Variants in NANP observed in about 807,000 individuals in gnomAD.
NANP encodes the protein N-acylneuraminate-9-phosphatase.
In NANP, 15 loss-of-function variants were observed where a neutral mutation model predicts 16.9. The ratio of observed to expected loss-of-function variants is 0.89; its 90% CI spans 0.59 to 1.37. NANP has a LOEUF of 1.37. Among genes scored for constraint, NANP ranks in the 40% most tolerant of loss-of-function variants. NANP has a pLI of 0.00. For synonymous variants in NANP, 135 were observed against 112.6 expected (o/e 1.20, Z -1.26); for missense variants, 290 against 303.5 (o/e 0.96, Z 0.33).
Position 25,616,570 on chromosome 20 carries a change from G to T in NANP, c.102C>A (p.Leu34=), listed in dbSNP as rs1333467770. 6.3e-7 allele frequency: 1 copy of T among 1,586,548 alleles called. No homozygotes were observed. The highest frequency in any genetic ancestry group is 2.2e-5 in the East Asian group (1 of 44,628). ...SRRGMLEVIK[L]LQSKYHYKEE... Reference sequence around the variant, plus strand: ...CTTTATAATGGTATTTTGATTGTAAGAGTTTTATCACCTAAATAATGGAAA... The same window carrying T: ...CTTTATAATGGTATTTTGATTGTAATAGTTTTATCACCTAAATAATGGAAA... The change falls in exon 2 of 2, where the codon CTC becomes CTA. Residue 34 remains leucine, a synonymous_variant. Transcript: ENST00000304788.
chr20:25,613,552 A>G lies in NANP; in HGVS notation c.*2373T>C, dbSNP rs942629376. 5 of 346,400 alleles carry G rather than the reference A, an allele frequency of 1.4e-5. No homozygotes were observed. The highest frequency in any genetic ancestry group is 1.5e-4 in the South Asian group (1 of 6,572). The allele number at this position is 346,400 out of a possible 1,614,324, so 21.5% of individuals were successfully genotyped here. On this transcript the variant is annotated 3_prime_UTR_variant, in exon 2 of 2. Transcript: ENST00000304788. ...AAAACATCACCCATAATTTTAAGGA[A>G]TATTATTCTAAAACAAAAAATATTA...
In NANP at chr20:25,615,784, A is replaced by G; in HGVS notation, c.*141T>C. ...CAACTTAGAAGCAATAGGGTTGGGAAGACCTTCAAAATATTGGCCATTAAA... is the reference window on the plus strand; with the variant it reads ...CAACTTAGAAGCAATAGGGTTGGGAGGACCTTCAAAATATTGGCCATTAAA... On this transcript the variant is annotated 3_prime_UTR_variant, in exon 2 of 2. Coordinates refer to ENST00000304788, the MANE Select transcript of NANP (RefSeq NM_152667.3). 1 of 802,814 alleles carries G rather than the reference A, an allele frequency of 1.2e-6. No individual in the cohort carries two copies. Among genetic ancestry groups the G allele is most frequent in the East Asian group, 2.7e-5 (1 of 37,302 alleles). 49.7% of individuals were successfully genotyped at this position (802,814 alleles called of 1,614,324 possible).
intron 1 of NANP, among the ~76,000 whole-genome samples, chr20:25,620,644 C>T (rs1309136350): frequency 6.6e-6 from 1 of 152,196 alleles, no homozygotes; most frequent in Non-Finnish European, 1.5e-5. Flanking sequence ...CCTGACAGCA[C>T]TAACTTACGC....
At chr20:25,618,537 T>G (rs2065352649) in intron 1 of NANP, among the ~76,000 whole-genome samples, 1 of 152,048 alleles carries the variant, frequency 6.6e-6, no homozygotes, top group South Asian at 2.1e-4. Flanking sequence ...TAAATCCCCT[T>G]GGCACACACT....
intron 1 of NANP, among the ~76,000 whole-genome samples, chr20:25,619,835 C>T (rs944223909): frequency 8.5e-5 from 13 of 152,192 alleles, no homozygotes; most frequent in African/African-American, 2.9e-4. Context: ...CAATTTCCTA[C>T]TGGCTCCCAG....
chr20:25,616,456 C>T lies in NANP; in HGVS notation c.216G>A (p.Arg72=), dbSNP rs139802260. ...HPYNTCITDL[R]TSHWEEAIQE... ...GGATTGCTTCTTCCCAATGTGAAGT[C>T]CTTAAATCAGTAATGCATGTATTGT... is the stretch of plus-strand genomic sequence containing the variant. Residue 72 remains arginine, a synonymous_variant, in exon 2 of 2, where the codon AGG becomes AGA. Coordinates refer to ENST00000304788, the MANE Select transcript of NANP (RefSeq NM_152667.3). 1.8e-4 allele frequency: 284 copies of T among 1,614,120 alleles called. No homozygotes were observed. Among genetic ancestry groups the T allele is most frequent in the Non-Finnish European group, 2.2e-4 (256 of 1,180,022 alleles).
intron 1 of NANP, among the ~76,000 whole-genome samples, chr20:25,618,734 A>G (rs1219222363): frequency 6.6e-6 from 1 of 152,056 alleles, no homozygotes; most frequent in East Asian, 1.9e-4. Flanking sequence ...CCCCTTGGGG[A>G]GCAAAACTGA....
In NANP at chr20:25,619,139, T is replaced by C. The variant is rs968502797; in HGVS notation, c.91-2558A>G. Among the ~76,000 whole-genome samples the C allele has an allele frequency of 6.7e-5, 10 of 148,634 alleles. No homozygotes were observed. In the East Asian group the frequency reaches 9.8e-4, roughly 15 times the overall value. Reference sequence around the variant, plus strand: ...AAAGGGTCTTTTTTTTTTTTTTTTTTCCCCAAACAGGATCTTGCTCTGTTA... The same window carrying C: ...AAAGGGTCTTTTTTTTTTTTTTTTTCCCCCAAACAGGATCTTGCTCTGTTA... On this transcript the variant is annotated intron_variant, in intron 1 of 1. Coordinates refer to ENST00000304788, the MANE Select transcript of NANP (RefSeq NM_152667.3).
Position 25,623,994 on chromosome 20 carries a change from CGCATGCGCAAGGCGGACT to C in NANP, c.-64_-47del, listed in dbSNP as rs762543449. Reference sequence around the variant, plus strand: ...ACCGTAGCCTTGCCACCGCCGCCTGCGCATGCGCAAGGCGGACTGCCCAGAGAGACGTGGGAGGAGCCG... The same window carrying C: ...ACCGTAGCCTTGCCACCGCCGCCTGCGCCCAGAGAGACGTGGGAGGAGCCG... On this transcript the variant is annotated 5_prime_UTR_variant, in exon 1 of 2. An upstream start codon of the reference 5' UTR is lost. Transcript: ENST00000304788. The C allele has an allele frequency of 6.3e-7, 1 of 1,588,372 alleles. No homozygotes were observed. The highest frequency in any genetic ancestry group is 1.3e-5 in the African/African-American group (1 of 74,314).
At chr20:25,623,506 G>A (rs1195741332) in intron 1 of NANP, among the ~76,000 whole-genome samples, 1 of 152,338 alleles carries the variant, frequency 6.6e-6, no homozygotes, top group East Asian at 1.9e-4. Flanking sequence ...TCTGACCGGG[G>A]GCGGGACCAG....
rs1341149664 is a variant in NANP at position 25,616,442 on chromosome 20, T to A, written c.230A>T (p.Glu77Val). The change falls in exon 2 of 2, where the codon GAA becomes GTA. Residue 77 changes from glutamate to valine, a missense_variant. Transcript: ENST00000304788. ...ACCTTTTGTTTCCTGGATTGCTTCT[T>A]CCCAATGTGAAGTCCTTAAATCAGT... ...CITDLRTSHWEEAIQETKGGA... is the reference protein window; with the variant it reads ...CITDLRTSHWVEAIQETKGGA... 11 of 1,614,058 alleles carry A rather than the reference T, an allele frequency of 6.8e-6. No homozygotes were observed. The highest frequency in any genetic ancestry group is 7.6e-6 in the Non-Finnish European group (9 of 1,180,050).
rs762571963 is a variant in NANP, at chr20:25,615,917, T to C, written c.*8A>G. ...TCTAACATTCATAATCATGCCCTTTTATGTGCTTTAAGTGGACATACTGAC... is the reference window on the plus strand; with the variant it reads ...TCTAACATTCATAATCATGCCCTTTCATGTGCTTTAAGTGGACATACTGAC... On this transcript the variant is annotated 3_prime_UTR_variant, in exon 2 of 2. Coordinates refer to ENST00000304788, the MANE Select transcript of NANP (RefSeq NM_152667.3). 6.3e-7 allele frequency: 1 copy of C among 1,595,332 alleles called. No individual in the cohort carries two copies. Among genetic ancestry groups the C allele is most frequent in the Non-Finnish European group, 8.5e-7 (1 of 1,170,364 alleles).
Position 25,614,547 on chromosome 20 carries a change from AT to A in NANP, c.*1377del, listed in dbSNP as rs1177347017. The stretch of plus-strand genomic sequence containing the variant: ...TTATTAAGCTCCTGGTAAACCCTGA[AT>A]TAGATATAGAAATTTGCAAAACAAT... On this transcript the variant is annotated 3_prime_UTR_variant, in exon 2 of 2. Coordinates refer to ENST00000304788, the MANE Select transcript of NANP (RefSeq NM_152667.3). 6.6e-6 allele frequency: 1 copy of A among 152,180 alleles called. No individual in the cohort carries two copies. Among genetic ancestry groups the A allele is most frequent in the Non-Finnish European group, 1.5e-5 (1 of 68,040 alleles). 9.4% of individuals were successfully genotyped at this position (152,180 alleles called of 1,614,324 possible).
At chr20:25,622,951 C>A (rs1170258659) in intron 1 of NANP, among the ~76,000 whole-genome samples, 1 of 152,102 alleles carries the variant, frequency 6.6e-6, no homozygotes, top group Non-Finnish European at 1.5e-5. Context: ...AACTATAGGG[C>A]AAACATGAAT....
At chr20:25,621,554 T>C (rs1014871095) in intron 1 of NANP, among the ~76,000 whole-genome samples, 6 of 152,242 alleles carry the variant, frequency 3.9e-5, no homozygotes, top group African/African-American at 1.4e-4. Context: ...CCTCCATTCA[T>C]AAATTATTAT....
Position 25,613,045 on chromosome 20 carries a change from C to T in NANP, c.*2880G>A, listed in dbSNP as rs1007097902. 13 of 152,034 alleles carry T rather than the reference C, an allele frequency of 8.6e-5. No individual in the cohort carries two copies. The highest frequency in any genetic ancestry group is 1.9e-4 in the East Asian group (1 of 5,200). 9.4% of individuals were successfully genotyped at this position (152,034 alleles called of 1,614,324 possible). ...AAGAATGGAATGAAAAATATCATCA[C>T]ACGTAACAAGAATGTTTTATGAAAA... On this transcript the variant is annotated 3_prime_UTR_variant, in exon 2 of 2. Transcript: ENST00000304788.
In NANP at chr20:25,616,382, T is replaced by A; in HGVS notation, c.290A>T (p.Tyr97Phe). 1 of 1,613,498 alleles carries A rather than the reference T, an allele frequency of 6.2e-7. No homozygotes were observed. Among genetic ancestry groups the A allele is most frequent in the Non-Finnish European group, 8.5e-7 (1 of 1,179,830 alleles). The stretch of plus-strand genomic sequence containing the variant: ...TAAACGTGTAGATTTCCAAAGGAAA[T>A]AACATTCTTCAGCCAATTTTCTATT... Reference protein sequence around the residue: ...AANRKLAEECYFLWKSTRLQH... With the variant: ...AANRKLAEECFFLWKSTRLQH... Residue 97 changes from tyrosine (Y) to phenylalanine (F), a missense_variant, in exon 2 of 2, where the codon TAT (tyrosine) becomes TTT (phenylalanine). By Grantham distance (22) the Tyr-to-Phe change is conservative. Transcript: ENST00000304788.
chr20:25,623,339 G>A (rs2065374595), intron 1 of NANP, among the ~76,000 whole-genome samples: 1 of 152,258 alleles, frequency 6.6e-6, no homozygotes, highest in African/African-American at 2.4e-5. Flanking sequence ...AAGTTCTGCG[G>A]CGACAATTCT....
At chr20:25,619,533 G>C (rs1159999121) in intron 1 of NANP, among the ~76,000 whole-genome samples, 1 of 152,144 alleles carries the variant, frequency 6.6e-6, no homozygotes, top group African/African-American at 2.4e-5. Flanking sequence ...TAATCATTAA[G>C]AAAAATCTTA....
Sources: gnomAD v4.1 joint callset for allele counts (sites outside exome capture counted in the v4.1 genomes callset) on GRCh38, gnomAD v4.1.1 for gene constraint, MANE v1.5 for transcripts, NCBI Gene and HGNC (gene_info 2026-07-23, HGNC 2026-07-21) for gene names.